Variants in TIAM1 observed in about 807,000 individuals in gnomAD.
The protein encoded by TIAM1 is rho guanine nucleotide exchange factor TIAM1.
A neutral mutation model predicts 163.5 loss-of-function variants in TIAM1; 65 were observed. The observed-to-expected ratio is 0.40, with a 90% CI of 0.33 to 0.49. The LOEUF (loss-of-function observed/expected upper bound fraction) is 0.49, where lower values mean the gene tolerates loss of function less well. Ranked by LOEUF, TIAM1 falls within the 20% of genes least tolerant of loss-of-function variation. TIAM1 has a pLI of 0.77. For synonymous variants in TIAM1, 833 were observed against 810.1 expected, an observed-to-expected ratio of 1.03 and a Z score of -0.48; for missense variants, 1,789 against 2,044.7, an observed-to-expected ratio of 0.87 and a Z score of 2.41.
At chr21:31,301,804 C>T (rs2074513813) in intron 2 of TIAM1, among the ~76,000 whole-genome samples, 1 of 151,486 alleles carries the variant, frequency 6.6e-6, no homozygotes, top group East Asian at 1.9e-4. Context: ...TGCGTCATTG[C>T]ACTCCAGTCT....
chr21:31,198,213 G>A (rs2085985774), intron 12 of TIAM1, among the ~76,000 whole-genome samples: 1 of 152,206 alleles, frequency 6.6e-6, no homozygotes, highest in Non-Finnish European at 1.5e-5. Context: ...TATTCAGGCA[G>A]GTAGAAAAGA....
rs940912409 is a variant in TIAM1, at chr21:31,164,359, T to C, written c.2991+603A>G. 6.2e-5 allele frequency among the ~76,000 whole-genome samples: 9 copies of C among 145,084 alleles called. No homozygotes were observed. In the South Asian group the frequency reaches 8.6e-4, roughly 14 times the overall value. The stretch of plus-strand genomic sequence containing the variant: ...GAGCCGAGATCACGCCACTGCCCTC[T>C]AGCCTGGGCGACAGAGCGAGACTCC... On this transcript the variant is annotated intron_variant, in intron 16 of 27. Coordinates refer to ENST00000541036, the MANE Select transcript of TIAM1 (RefSeq NM_001353694.2).
intron 2 of TIAM1, among the ~76,000 whole-genome samples, chr21:31,331,322 A>C (rs2075671633): frequency 6.6e-6 from 1 of 152,208 alleles, no homozygotes; most frequent in African/African-American, 2.4e-5. Flanking sequence ...TAGGCATCTC[A>C]AGGCAGATAG....
intron 2 of TIAM1, among the ~76,000 whole-genome samples, chr21:31,283,717 T>C (rs1307011624): frequency 4.6e-5 from 7 of 152,100 alleles, no homozygotes; most frequent in Non-Finnish European, 1.0e-4. Context: ...AATTTTTGTA[T>C]TTTTAGTAGA....
chr21:31,441,403 A>G (rs2044411963), intron 2 of TIAM1, among the ~76,000 whole-genome samples: 1 of 152,194 alleles, frequency 6.6e-6, no homozygotes, highest in Non-Finnish European at 1.5e-5. Context: ...ACTCTAGCCA[A>G]TAAGGAATGT....
chr21:31,305,248 T>C (rs534685868), intron 2 of TIAM1, among the ~76,000 whole-genome samples: 1 of 152,288 alleles, frequency 6.6e-6, no homozygotes, highest in Non-Finnish European at 1.5e-5. Flanking sequence ...CCAACAGTTT[T>C]CACTGATTAC....
At chr21:31,546,219 C>T (rs9975837) in intron 1 of TIAM1, among the ~76,000 whole-genome samples, 51,265 of 148,922 alleles carry the variant, frequency 0.34, 8,999 homozygotes, top group Middle Eastern at 0.45. Flanking sequence ...TGGAATCTTC[C>T]AGAAGAATTA....
intron 22 of TIAM1, 131 bp from the exon 23 acceptor site, chr21:31,136,172 T>A: frequency 1.3e-6 from 1 of 752,100 alleles, no homozygotes; most frequent in Non-Finnish European, 2.2e-6. Context: ...AACATTTGCT[T>A]AAATATGTGA....
intron 20 of TIAM1, among the ~76,000 whole-genome samples, chr21:31,146,458 C>A (rs1164281093): frequency 6.6e-6 from 1 of 150,768 alleles, no homozygotes; most frequent in African/African-American, 2.4e-5. Flanking sequence ...CGCCTGTAAT[C>A]CCAGCACTTT....
In TIAM1 at chr21:31,537,078, A is replaced by G. The variant is rs1173960941; in HGVS notation, c.-422+21849T>C. Among the ~76,000 whole-genome samples, 4 of 152,328 alleles carry G rather than the reference A, an allele frequency of 2.6e-5. No individual in the cohort carries two copies. In the East Asian group the frequency reaches 7.7e-4, roughly 29 times the overall value. On this transcript the variant is annotated intron_variant, in intron 1 of 28. Coordinates refer to the TIAM1 transcript ENST00000286827. Reference sequence around the variant, plus strand: ...CTTGGCTTGTGGCTGCATTGCTGCAATTCTGCCTCTGTCTTCGTGTGGCAT... The same window carrying G: ...CTTGGCTTGTGGCTGCATTGCTGCAGTTCTGCCTCTGTCTTCGTGTGGCAT...
intron 1 of TIAM1, among the ~76,000 whole-genome samples, chr21:31,342,039 C>CA: frequency 6.6e-6 from 1 of 151,822 alleles, no homozygotes; most frequent in East Asian, 1.9e-4. Context: ...ATGAGGACAG[C>CA]ATGTTCAATA....
chr21:31,179,941 T>G (rs1264992618), intron 15 of TIAM1, among the ~76,000 whole-genome samples: 1 of 149,444 alleles, frequency 6.7e-6, no homozygotes, highest in Non-Finnish European at 1.5e-5. Flanking sequence ...AATCTTGCTC[T>G]GTCGCCCAGG....
chr21:31,322,458 T>A (rs1182551953), intron 2 of TIAM1, among the ~76,000 whole-genome samples: 1 of 129,664 alleles, frequency 7.7e-6, no homozygotes. Context: ...TGGGGGGGGG[T>A]GCCATCATCT....
At chr21:31,373,512 C>T (rs1448343025) in intron 2 of TIAM1, among the ~76,000 whole-genome samples, 2 of 152,068 alleles carry the variant, frequency 1.3e-5, no homozygotes, top group Non-Finnish European at 2.9e-5. Flanking sequence ...CATCGGATCT[C>T]GTGAGACTTA....
intron 2 of TIAM1, among the ~76,000 whole-genome samples, chr21:31,425,111 T>C (rs1192785851): frequency 6.6e-6 from 1 of 152,016 alleles, no homozygotes; most frequent in Non-Finnish European, 1.5e-5. Context: ...TTTTATATTA[T>C]TTTACCGTAA....
Position 31,335,324 on chromosome 21 carries a change from C to T in TIAM1, c.-189+3919G>A, listed in dbSNP as rs116898078. 5.7e-4 allele frequency among the ~76,000 whole-genome samples: 87 copies of T among 152,220 alleles called. 1 individual carries two copies. The East Asian group carries it at 0.016, about 28-fold the overall frequency. ...CCTCCCCACCCTCCACAAAGTGAAACCTAAACATGGTATTTCAGACAATAA... is the reference window on the plus strand; with the variant it reads ...CCTCCCCACCCTCCACAAAGTGAAATCTAAACATGGTATTTCAGACAATAA... On this transcript the variant is annotated intron_variant, in intron 2 of 27. Coordinates refer to ENST00000541036, the MANE Select transcript of TIAM1 (RefSeq NM_001353694.2).
intron 1 of TIAM1, among the ~76,000 whole-genome samples, chr21:31,516,822 G>A (rs762371359): frequency 1.6e-4 from 25 of 151,810 alleles, no homozygotes; most frequent in Non-Finnish European, 2.2e-4. Context: ...TTGGGAGGCC[G>A]AGGCAGATCA....
intron 2 of TIAM1, among the ~76,000 whole-genome samples, chr21:31,365,324 C>T (rs573974179): frequency 2.0e-5 from 3 of 151,792 alleles, no homozygotes; most frequent in Non-Finnish European, 4.4e-5. Context: ...CTGATGTTTC[C>T]GTCTTGTCCA....
chr21:31,432,685 A>G (rs2147282358), intron 2 of TIAM1, among the ~76,000 whole-genome samples: 1 of 152,360 alleles, frequency 6.6e-6, no homozygotes, highest in South Asian at 2.1e-4. Context: ...GGGAAACAGT[A>G]GAAACAAACA....
Sources: allele counts gnomAD v4.1 joint callset (sites outside exome capture counted in the v4.1 genomes callset), GRCh38; gene constraint gnomAD v4.1.1; transcripts MANE v1.5; gene names NCBI Gene and HGNC (gene_info 2026-07-23, HGNC 2026-07-21).